Variants in DIO2 observed in about 807,000 individuals in gnomAD.
DIO2 encodes the protein iodothyronine deiodinase 2, also known as type II iodothyronine deiodinase.
Under a neutral mutation model 21.4 loss-of-function variants are expected in DIO2, and 19 were observed. The ratio of observed to expected loss-of-function variants is 0.89; its 90% CI spans 0.62 to 1.30. The LOEUF (loss-of-function observed/expected upper bound fraction) is 1.30. DIO2 is among the 50% of genes most tolerant of loss of function. The probability of loss-of-function intolerance (pLI) is 0.00; values close to 1 mark genes in which losing one functional copy is unlikely to be tolerated. For missense variants in DIO2, 302 were observed against 338.1 expected (o/e 0.89, Z 0.84); for synonymous variants, 122 against 132.9 (o/e 0.92, Z 0.57).
At chr14:80,218,212 GAC>G (rs1175030695) in intron 2 of DIO2, among the ~76,000 whole-genome samples, 2 of 150,020 alleles carry the variant, frequency 1.3e-5, no homozygotes, top group Non-Finnish European at 3.0e-5. Flanking sequence ...CAAAAACAAA[GAC>G]ACACACACAC....
rs752768205 is a variant in DIO2 at position 80,202,235 on chromosome 14, T to A, written c.*454A>T. The stretch of plus-strand genomic sequence containing the variant: ...AACCACATGGCCTGGGTTCAAGGAC[T>A]TGTTGTAATATTTGGGAATTTTCCA... On this transcript the variant is annotated 3_prime_UTR_variant, in exon 2 of 2. Coordinates refer to ENST00000438257, the MANE Select transcript of DIO2 (RefSeq NM_013989.5). 8.7e-5 allele frequency: 44 copies of A among 505,432 alleles called. No individual in the cohort carries two copies. Among genetic ancestry groups the A allele is most frequent in the Admixed American group, 5.4e-4 (27 of 50,140 alleles). The allele number at this position is 505,432 out of a possible 1,614,324, so 31.3% of individuals were successfully genotyped here. A position where few individuals can be genotyped will look rare whatever the true frequency, so the allele number is the denominator to read the frequency against.
rs1887681984 is a variant in DIO2 at position 80,200,744 on chromosome 14, C to T, written c.*1945G>A. On this transcript the variant is annotated 3_prime_UTR_variant, in exon 2 of 2. Coordinates refer to ENST00000438257, the MANE Select transcript of DIO2 (RefSeq NM_013989.5). ...TTAGAACATTAGAAAGCTGATGTTG[C>T]CATGAAAAATCAGTCCCAATGGAGC... 6.6e-6 allele frequency: 1 copy of T among 152,054 alleles called. No individual in the cohort carries two copies. Among genetic ancestry groups the T allele is most frequent in the African/African-American group, 2.4e-5 (1 of 41,404 alleles). 9.4% of individuals were successfully genotyped at this position (152,054 alleles called of 1,614,324 possible). A position where few individuals can be genotyped will look rare whatever the true frequency, so the allele number is the denominator to read the frequency against.
chr14:80,213,889 C>T (rs533768086), upstream of DIO2, among the ~76,000 whole-genome samples: 4 of 152,096 alleles, frequency 2.6e-5, no homozygotes, highest in South Asian at 2.1e-4. Context: ...ATCTCATGGA[C>T]GAAATTGTTA....
In DIO2 at chr14:80,199,847, T is replaced by C. The variant is rs1887642684; in HGVS notation, c.*2842A>G. 1 of 152,554 alleles carries C rather than the reference T, an allele frequency of 6.6e-6. No individual in the cohort carries two copies. The highest frequency in any genetic ancestry group is 2.1e-4 in the South Asian group (1 of 4,824). 9.5% of individuals were successfully genotyped at this position (152,554 alleles called of 1,614,324 possible). A position where few individuals can be genotyped will look rare whatever the true frequency, so the allele number is the denominator to read the frequency against. ...AGAACTCAGACTTTTATATATGATA[T>C]AAATATATCATAGATTTATACTATG... On this transcript the variant is annotated 3_prime_UTR_variant, in exon 2 of 2. Coordinates refer to ENST00000438257, the MANE Select transcript of DIO2 (RefSeq NM_013989.5).
At chr14:80,205,769 C>T (rs772652756) in intron 1 of DIO2, 19 of 1,240,984 alleles carry the variant, frequency 1.5e-5, no homozygotes, top group Admixed American at 6.0e-5. Flanking sequence ...TTACCAAATT[C>T]GTAATGCTCT....
intron 2 of DIO2, among the ~76,000 whole-genome samples, chr14:80,221,056 C>T (rs1427208932): frequency 1.3e-5 from 2 of 152,022 alleles, no homozygotes; most frequent in African/African-American, 4.8e-5. Context: ...CAAACATATG[C>T]AAAAGTAGAA....
chr14:80,207,959 TAA>T (rs1662833706), intron 1 of DIO2, among the ~76,000 whole-genome samples: 1 of 152,190 alleles, frequency 6.6e-6, no homozygotes. Flanking sequence ...AGGAGAATGT[TAA>T]AGAGACCCTT....
At chr14:80,208,883 T>C (rs1017746334) in intron 1 of DIO2, among the ~76,000 whole-genome samples, 1 of 152,194 alleles carries the variant, frequency 6.6e-6, no homozygotes, top group African/African-American at 2.4e-5. Context: ...CAGTCCAGTC[T>C]TGTTTCTGGA....
In DIO2 at chr14:80,203,155, C is replaced by A. The variant is rs751533921; in HGVS notation, c.356G>T (p.Ser119Ile). The change falls in exon 2 of 2, where the codon AGC becomes ATC. Residue 119 changes from serine to isoleucine, a missense_variant. Physicochemically the swap from Ser to Ile is moderately radical, Grantham distance 142 (BLOSUM62 -2). Coordinates refer to ENST00000438257, the MANE Select transcript of DIO2 (RefSeq NM_013989.5). ...GTTGACCACTAGTGGGCGCTCAGGG[C>A]TGGCAAAGTCAAGAAGGTGGCATGT... Reference protein sequence around the residue: ...GATCHLLDFASPERPLVVNFG... With the variant: ...GATCHLLDFAIPERPLVVNFG... 6.2e-6 allele frequency: 10 copies of A among 1,612,648 alleles called. No homozygotes were observed. The South Asian group carries it at 1.1e-4, about 18-fold the overall frequency.
In DIO2 at chr14:80,203,247, A is replaced by G. The variant is rs774913806; in HGVS notation, c.264T>C (p.His88=). The G allele has an allele frequency of 6.9e-6, 11 of 1,605,792 alleles. No homozygotes were observed. The highest frequency in any genetic ancestry group is 8.5e-6 in the Non-Finnish European group (10 of 1,176,092). Reference sequence around the variant, plus strand: ...TGTCACCTCCTTCTGTACTGGAGACATGCACCACACTGGAATTGGGGGCAT... The same window carrying G: ...TGTCACCTCCTTCTGTACTGGAGACGTGCACCACACTGGAATTGGGGGCAT... ...GEDAPNSSVV[H]VSSTEGGDNS... Residue 88 remains histidine, a synonymous_variant, in exon 2 of 2, where the codon CAT becomes CAC. Transcript: ENST00000438257.
At chr14:80,229,924 C>G (rs1172371624) in intron 2 of DIO2, among the ~76,000 whole-genome samples, 1 of 152,142 alleles carries the variant, frequency 6.6e-6, no homozygotes, top group Non-Finnish European at 1.5e-5. Context: ...CCTCATGAGT[C>G]ACACTCTCAA....
chr14:80,217,929 C>A (rs1888389852), intron 2 of DIO2, among the ~76,000 whole-genome samples: 1 of 152,182 alleles, frequency 6.6e-6, no homozygotes, highest in African/African-American at 2.4e-5. Flanking sequence ...GGACTTCAAT[C>A]ATAAGTCACA....
At chr14:80,205,103 C>T (rs971398516) in intron 1 of DIO2, among the ~76,000 whole-genome samples, 11 of 152,128 alleles carry the variant, frequency 7.2e-5, no homozygotes, top group South Asian at 4.1e-4. Flanking sequence ...TTCATATGAA[C>T]TACCCTAGTC....
intron 1 of DIO2, among the ~76,000 whole-genome samples, chr14:80,205,327 C>T (rs987109709): frequency 6.6e-6 from 1 of 151,924 alleles, no homozygotes; most frequent in Admixed American, 6.6e-5. Context: ...CCTCAACGTA[C>T]CGTGATAAGA....
intron 1 of DIO2, among the ~76,000 whole-genome samples, chr14:80,210,283 A>G (rs1236884850): frequency 6.6e-6 from 1 of 152,182 alleles, no homozygotes; most frequent in East Asian, 1.9e-4. Flanking sequence ...GGCGAAAATC[A>G]TCCTCTGTGC....
At chr14:80,207,830 T>C (rs1799853159) in intron 1 of DIO2, among the ~76,000 whole-genome samples, 2 of 152,266 alleles carry the variant, frequency 1.3e-5, no homozygotes, top group South Asian at 4.1e-4. Context: ...TTTATCCAAG[T>C]GATGGACAAG....
upstream of DIO2, chr14:80,211,552 A>T: frequency 4.0e-4 from 13 of 32,540 alleles, no homozygotes; most frequent in Non-Finnish European, 5.3e-4. Context: ...GTGGTGATAA[A>T]GGGGGTGGGG....
chr14:80,209,844 T>A (rs1177953554), intron 1 of DIO2, among the ~76,000 whole-genome samples: 1 of 152,238 alleles, frequency 6.6e-6, no homozygotes, highest in Non-Finnish European at 1.5e-5. Context: ...ACAACAGATA[T>A]TTTCTTCTTG....
chr14:80,208,358 C>A (rs191935124), intron 1 of DIO2, among the ~76,000 whole-genome samples: 12 of 152,090 alleles, frequency 7.9e-5, no homozygotes, highest in Admixed American at 7.2e-4. Context: ...TCCCTTTCAA[C>A]CTTTTAAGAA....
Sources: gnomAD v4.1 joint callset for allele counts (sites outside exome capture counted in the v4.1 genomes callset) on GRCh38, gnomAD v4.1.1 for gene constraint, MANE v1.5 for transcripts, NCBI Gene and HGNC (gene_info 2026-07-23, HGNC 2026-07-21) for gene names.